Variants in SPOCK3 observed in about 807,000 individuals in gnomAD.
The protein encoded by SPOCK3 is SPARC (osteonectin), cwcv and kazal like domains proteoglycan 3.
SPOCK3 carries 30 observed loss-of-function variants against 56.6 expected under a neutral mutation model. That is an observed-to-expected ratio of 0.53 (90% CI 0.40 to 0.72). The LOEUF (loss-of-function observed/expected upper bound fraction) is 0.72, where lower values mean the gene tolerates loss of function less well. Among genes scored for constraint, SPOCK3 ranks in the 30% least tolerant of loss-of-function variants. SPOCK3 has a pLI of 0.00. For missense variants in SPOCK3, 527 were observed against 530.0 expected, an observed-to-expected ratio of 0.99 and a Z score of 0.06; for synonymous variants, 196 against 183.3, an observed-to-expected ratio of 1.07 and a Z score of -0.56.
intron 2 of SPOCK3, among the ~76,000 whole-genome samples, chr4:167,222,496 T>G (rs1258600560): frequency 7.2e-6 from 1 of 137,974 alleles, no homozygotes; most frequent in Non-Finnish European, 1.6e-5. Context: ...ATATTACATA[T>G]GAATATATGA....
At chr4:167,207,487 C>T (rs919251137) in intron 2 of SPOCK3, among the ~76,000 whole-genome samples, 1 of 151,994 alleles carries the variant, frequency 6.6e-6, no homozygotes, top group Non-Finnish European at 1.5e-5. Context: ...TGTAAAATCA[C>T]TATAGCTTTA....
At chr4:167,208,056 C>T (rs1472561245) in intron 2 of SPOCK3, among the ~76,000 whole-genome samples, 2 of 152,094 alleles carry the variant, frequency 1.3e-5, no homozygotes, top group East Asian at 1.9e-4. Context: ...AAGACCACCC[C>T]TACTCCCAGA....
In SPOCK3 at chr4:166,755,994, G is replaced by C. The variant is rs1579131923; in HGVS notation, c.710-1265C>G. 4.3e-5 allele frequency among the ~76,000 whole-genome samples: 2 copies of C among 46,278 alleles called. 1 individual carries two copies. The highest frequency in any genetic ancestry group is 6.8e-4 in the East Asian group (2 of 2,962). 30.4% of individuals were successfully genotyped at this position (46,278 alleles called of 152,430 possible). On this transcript the variant is annotated intron_variant, in intron 7 of 10. Coordinates refer to ENST00000357545, the MANE Select transcript of SPOCK3 (RefSeq NM_001040159.2). ...GAGGTACCGGGTTCATCTCACTAGG[G>C]AGTGCCAGACAGTGGGCGCAGGCCA...
At chr4:166,822,464 A>C (rs1045522012) in intron 6 of SPOCK3, among the ~76,000 whole-genome samples, 1 of 152,086 alleles carries the variant, frequency 6.6e-6, no homozygotes, top group Non-Finnish European at 1.5e-5. Context: ...GAGATTTTTC[A>C]GCCCTAAGGA....
chr4:166,933,437 A>G (rs1156985206), intron 4 of SPOCK3, among the ~76,000 whole-genome samples: 1 of 152,130 alleles, frequency 6.6e-6, no homozygotes, highest in Non-Finnish European at 1.5e-5. Context: ...TGCTGGTTCC[A>G]CAGGGAATCC....
chr4:167,162,195 A>G (rs1020273754), intron 2 of SPOCK3, among the ~76,000 whole-genome samples: 1 of 152,024 alleles, frequency 6.6e-6, no homozygotes, highest in Non-Finnish European at 1.5e-5. Context: ...AAAAAAATAC[A>G]CCAGTTTATC....
At chr4:167,157,236 C>A (rs1168543280) in intron 2 of SPOCK3, among the ~76,000 whole-genome samples, 3 of 152,002 alleles carry the variant, frequency 2.0e-5, no homozygotes, top group Non-Finnish European at 4.4e-5. Context: ...TTGAGAACAA[C>A]CAGCTCTACA....
At chr4:166,872,637 C>T (rs1013092649) in intron 6 of SPOCK3, among the ~76,000 whole-genome samples, 1 of 152,028 alleles carries the variant, frequency 6.6e-6, no homozygotes, top group Non-Finnish European at 1.5e-5. Context: ...GCTATCAAGC[C>T]ATGAAAGGAC....
chr4:166,807,769 T>C (rs1743335209), intron 6 of SPOCK3, among the ~76,000 whole-genome samples: 1 of 152,114 alleles, frequency 6.6e-6, no homozygotes, highest in African/African-American at 2.4e-5. Flanking sequence ...TTCTTACTAT[T>C]TGTATTCCTT....
At position 166,792,200 on chromosome 4, in the gene SPOCK3, T is replaced by C. The variant is rs1741432323; in HGVS notation, c.679A>G (p.Thr227Ala). The C allele has an allele frequency of 8.7e-6, 14 of 1,613,860 alleles. No homozygotes were observed. The highest frequency in any genetic ancestry group is 1.2e-5 in the Non-Finnish European group (14 of 1,179,890). ...LHESGSQNKK[T>A]KTLLRPERSR... The stretch of plus-strand genomic sequence containing the variant: ...CTCTCAGGCCTCAGCAATGTTTTTG[T>C]CTTCTTGTTTTGACTTCCACTTTCA... Residue 227 changes from threonine to alanine, a missense_variant, in exon 7 of 11, where the codon ACA becomes GCA. Transcript: ENST00000357545.
chr4:166,995,068 G>T (rs1366019467), intron 4 of SPOCK3, among the ~76,000 whole-genome samples: 2 of 152,004 alleles, frequency 1.3e-5, no homozygotes, highest in African/African-American at 4.8e-5. Flanking sequence ...CATAATAAGA[G>T]CACAAATTCT....
At chr4:166,836,875 C>T (rs1056283577) in intron 6 of SPOCK3, among the ~76,000 whole-genome samples, 20 of 152,118 alleles carry the variant, frequency 1.3e-4, no homozygotes, top group East Asian at 5.8e-4. Context: ...TCTGATGAGT[C>T]AAACAAAAAT....
At chr4:166,891,716 C>T (rs889549207) in intron 5 of SPOCK3, among the ~76,000 whole-genome samples, 1 of 151,884 alleles carries the variant, frequency 6.6e-6, no homozygotes, top group Admixed American at 6.6e-5. Flanking sequence ...ATTATAACTT[C>T]AAATTTAATA....
chr4:166,740,812 C>T (rs914249185), intron 9 of SPOCK3, among the ~76,000 whole-genome samples: 1 of 152,106 alleles, frequency 6.6e-6, no homozygotes. Context: ...AGGCGTGAGC[C>T]ACTGTACCCA....
intron 5 of SPOCK3, among the ~76,000 whole-genome samples, chr4:166,896,981 CTT>C (rs199831366): frequency 6.6e-6 from 1 of 151,958 alleles, no homozygotes; most frequent in African/African-American, 2.4e-5. Flanking sequence ...AAAAGATTAA[CTT>C]TTTTTTCCCC....
At chr4:166,906,463 C>A (rs1437525923) in intron 5 of SPOCK3, among the ~76,000 whole-genome samples, 2 of 149,562 alleles carry the variant, frequency 1.3e-5, no homozygotes, top group Non-Finnish European at 3.0e-5. Flanking sequence ...AGCCACCATG[C>A]CTGGCCTGGT....
intron 2 of SPOCK3, among the ~76,000 whole-genome samples, chr4:167,080,024 G>T (rs1049725539): frequency 6.6e-6 from 1 of 151,966 alleles, no homozygotes; most frequent in Non-Finnish European, 1.5e-5. Context: ...CTGCTATCTG[G>T]GGGGAGGAGG....
At chr4:166,935,944 C>G (rs1314921821) in intron 4 of SPOCK3, among the ~76,000 whole-genome samples, 2 of 152,038 alleles carry the variant, frequency 1.3e-5, no homozygotes, top group Admixed American at 6.5e-5. Context: ...AAGGATTGAG[C>G]TAGAATTAAT....
chr4:166,832,883 A>C (rs1746224964), intron 6 of SPOCK3, among the ~76,000 whole-genome samples: 1 of 152,166 alleles, frequency 6.6e-6, no homozygotes, highest in Admixed American at 6.5e-5. Flanking sequence ...TGGCAACAAT[A>C]AATTCTGGGT....
Sources: allele counts gnomAD v4.1 joint callset (sites outside exome capture counted in the v4.1 genomes callset), GRCh38; gene constraint gnomAD v4.1.1; transcripts MANE v1.5; gene names NCBI Gene and HGNC (gene_info 2026-07-23, HGNC 2026-07-21).